FAF1: variants seen among roughly 807,000 people sequenced by gnomAD.
FAF1 encodes FAS-associated factor 1.
A neutral mutation model predicts 92.5 loss-of-function variants in FAF1; 25 were observed. The ratio of observed to expected loss-of-function variants is 0.27; its 90% CI spans 0.20 to 0.38. FAF1 has a LOEUF of 0.38. Ranked by LOEUF, FAF1 falls within the 10% of genes least tolerant of loss-of-function variation. FAF1 has a pLI of 1.00. For synonymous variants in FAF1, 234 were observed against 273.2 expected, an observed-to-expected ratio of 0.86 and a Z score of 1.42; for missense variants, 636 against 793.3, an observed-to-expected ratio of 0.80 and a Z score of 2.38.
intron 4 of FAF1, among the ~76,000 whole-genome samples, chr1:50,752,657 C>T (rs1273716720): frequency 1.3e-5 from 2 of 151,946 alleles, no homozygotes; most frequent in Non-Finnish European, 2.9e-5. Flanking sequence ...TCTGTACTTA[C>T]TTTGGGTTTG....
At chr1:50,627,611 G>C (rs1294193569) in intron 8 of FAF1, among the ~76,000 whole-genome samples, 1 of 151,920 alleles carries the variant, frequency 6.6e-6, no homozygotes. Context: ...GAGACAAATA[G>C]TACATACCGC....
chr1:50,473,227 G>A (rs777285275), intron 18 of FAF1, among the ~76,000 whole-genome samples: 1 of 152,046 alleles, frequency 6.6e-6, no homozygotes, highest in Non-Finnish European at 1.5e-5. Context: ...GTTTTACCCT[G>A]TGGAAAGAGG....
At chr1:50,537,384 C>A (rs1448694290) in intron 14 of FAF1, among the ~76,000 whole-genome samples, 1 of 152,094 alleles carries the variant, frequency 6.6e-6, no homozygotes, top group Admixed American at 6.6e-5. Context: ...AAAAAGTATA[C>A]CAGTTAATGC....
rs1279294104 is a variant in FAF1, at chr1:50,724,284, CACACACACACAT to C, written c.551+14567_551+14578del. 3.8e-3 allele frequency among the ~76,000 whole-genome samples: 464 copies of C among 123,468 alleles called. 4 individuals are homozygous for C. The highest frequency in any genetic ancestry group is 0.014 in the African/African-American group (377 of 26,324). 81.0% of individuals were successfully genotyped at this position (123,468 alleles called of 152,430 possible). On this transcript the variant is annotated intron_variant, in intron 6 of 18. Transcript: ENST00000396153. The stretch of plus-strand genomic sequence containing the variant: ...CCATATATATATACATATACACACA[CACACACACACAT>C]ACACACACACACACACACACACACA...
chr1:50,497,068 ATT>A (rs1646907706), intron 15 of FAF1, among the ~76,000 whole-genome samples: 2 of 152,114 alleles, frequency 1.3e-5, no homozygotes, highest in African/African-American at 4.8e-5. Flanking sequence ...CTTAACAAAC[ATT>A]AAGCAAAAGA....
chr1:50,732,513 C>T (rs771376125), intron 6 of FAF1, among the ~76,000 whole-genome samples: 2 of 152,102 alleles, frequency 1.3e-5, no homozygotes, highest in African/African-American at 2.4e-5. Context: ...TCTTTCAATG[C>T]TATTTGCCTT....
chr1:50,802,626 G>T (rs1165046623), intron 2 of FAF1, among the ~76,000 whole-genome samples: 1 of 152,166 alleles, frequency 6.6e-6, no homozygotes, highest in Non-Finnish European at 1.5e-5. Flanking sequence ...AAGCAAGCAG[G>T]CTGTCGAATC....
chr1:50,905,982 C>T (rs552305819), intron 1 of FAF1, among the ~76,000 whole-genome samples: 136 of 152,150 alleles, frequency 8.9e-4, no homozygotes, highest in African/African-American at 2.8e-3. Flanking sequence ...GTATTGCCTA[C>T]GTTTTCTTCT....
At chr1:50,657,168 T>C (rs1278974238) in intron 7 of FAF1, among the ~76,000 whole-genome samples, 1 of 151,574 alleles carries the variant, frequency 6.6e-6, no homozygotes, top group African/African-American at 2.4e-5. Flanking sequence ...GCCATGATCA[T>C]GCCACCGCAC....
chr1:50,881,979 T>C (rs1644616241), intron 1 of FAF1, among the ~76,000 whole-genome samples: 1 of 152,254 alleles, frequency 6.6e-6, no homozygotes, highest in South Asian at 2.1e-4. Context: ...GGAGATTATG[T>C]ATTTTAATGG....
chr1:50,623,850 G>A (rs548981038), intron 8 of FAF1, among the ~76,000 whole-genome samples: 26 of 152,024 alleles, frequency 1.7e-4, no homozygotes, highest in Admixed American at 8.5e-4. Context: ...AGCTGAAGTG[G>A]GAGCCCAGGA....
At chr1:50,658,177 C>T (rs916630602) in intron 7 of FAF1, among the ~76,000 whole-genome samples, 1 of 151,670 alleles carries the variant, frequency 6.6e-6, no homozygotes. Flanking sequence ...GGCTTCAAGA[C>T]AAAATAATTT....
chr1:50,824,377 T>C (rs1644073345), intron 2 of FAF1, among the ~76,000 whole-genome samples: 1 of 152,162 alleles, frequency 6.6e-6, no homozygotes, highest in Non-Finnish European at 1.5e-5. Context: ...ATACTGATCA[T>C]TCATTTAGCA....
intron 13 of FAF1, among the ~76,000 whole-genome samples, chr1:50,541,183 C>T (rs901778490): frequency 8.5e-5 from 13 of 152,182 alleles, no homozygotes; most frequent in Non-Finnish European, 1.9e-4. Context: ...ACTGAATCCT[C>T]CATAAAATCT....
chr1:50,693,966 T>G (rs1003629446), intron 7 of FAF1, among the ~76,000 whole-genome samples: 1 of 149,546 alleles, frequency 6.7e-6, no homozygotes, highest in Non-Finnish European at 1.5e-5. Flanking sequence ...TATTTCAAAT[T>G]TCAAGCAAAG....
chr1:50,733,792 A>AT (rs57731439), intron 6 of FAF1, among the ~76,000 whole-genome samples: 4 of 152,314 alleles, frequency 2.6e-5, no homozygotes, highest in African/African-American at 9.6e-5. Flanking sequence ...GTACTTTGTT[A>AT]TAGCAGCCCT....
At chr1:50,866,954 G>A (rs1570074436) in intron 1 of FAF1, among the ~76,000 whole-genome samples, 1 of 152,112 alleles carries the variant, frequency 6.6e-6, no homozygotes, top group East Asian at 1.9e-4. Context: ...CAAGGCTATG[G>A]TCACCAAAAC....
At chr1:50,801,737 G>A in intron 2 of FAF1, 60 bp from the exon 3 acceptor site, 2 of 937,016 alleles carry the variant, frequency 2.1e-6, no homozygotes, top group Non-Finnish European at 3.5e-6. Context: ...AAGTGTGGTG[G>A]AGAACACTTT....
intron 7 of FAF1, among the ~76,000 whole-genome samples, chr1:50,670,293 G>A (rs1229906012): frequency 1.3e-5 from 2 of 151,810 alleles, no homozygotes; most frequent in African/African-American, 4.8e-5. Flanking sequence ...TCGCCATGTT[G>A]TGCAGGCTGG....
Sources: allele counts gnomAD v4.1 joint callset (sites outside exome capture counted in the v4.1 genomes callset), GRCh38; gene constraint gnomAD v4.1.1; transcripts MANE v1.5; gene names NCBI Gene and HGNC (gene_info 2026-07-23, HGNC 2026-07-21).